Variants in ADD2 observed in about 807,000 individuals in gnomAD.
ADD2 encodes beta-adducin.
In ADD2, 23 loss-of-function variants were observed where a neutral mutation model predicts 83.0. The ratio of observed to expected loss-of-function variants is 0.28; its 90% CI spans 0.20 to 0.39. ADD2 has a LOEUF of 0.39. ADD2 is among the 10% of genes least tolerant of loss of function. The pLI, the probability that ADD2 is intolerant of heterozygous loss-of-function variation, is 1.00. For missense variants in ADD2, 758 were observed against 944.9 expected (o/e 0.80, Z 2.59); for synonymous variants, 375 against 375.4 (o/e 1.00, Z 0.01).
rs1312667118 is a variant in ADD2 at position 70,659,041 on chromosome 2, G to C, written c.*4384C>G. The C allele has an allele frequency of 6.6e-6, 1 of 151,080 alleles. No individual in the cohort carries two copies. The highest frequency in any genetic ancestry group is 1.5e-5 in the Non-Finnish European group (1 of 67,930). The allele number at this position is 151,080 out of a possible 1,614,324, so 9.4% of individuals were successfully genotyped here. ...TCCTGTAATTCCAGCTACTTGGGAG[G>C]CTGAGACAGAAGAATCGCTTGAAAA... On this transcript the variant is annotated 3_prime_UTR_variant, in exon 16 of 16. Transcript: ENST00000264436.
intron 1 of ADD2, among the ~76,000 whole-genome samples, chr2:70,744,385 C>A (rs142564638): frequency 1.3e-5 from 2 of 152,220 alleles, no homozygotes; most frequent in East Asian, 3.9e-4. Context: ...CGGTTCTGAA[C>A]TAAATTGTGT....
intron 1 of ADD2, among the ~76,000 whole-genome samples, chr2:70,716,088 C>T (rs1395057809): frequency 6.6e-6 from 1 of 152,104 alleles, no homozygotes; most frequent in East Asian, 1.9e-4. Context: ...CCTTTATTAC[C>T]AAAATGGCAG....
intron 1 of ADD2, among the ~76,000 whole-genome samples, chr2:70,761,725 G>GTA (rs1675111412): frequency 6.7e-6 from 1 of 149,658 alleles, no homozygotes; most frequent in African/African-American, 2.5e-5. Context: ...AGGCTGGAGT[G>GTA]CAGTGGTGCA....
chr2:70,702,646 T>C (rs757762225), intron 4 of ADD2, among the ~76,000 whole-genome samples: 1 of 149,422 alleles, frequency 6.7e-6, no homozygotes, highest in Non-Finnish European at 1.5e-5. Flanking sequence ...AACTAAAGAA[T>C]TCTACAAGAC....
In ADD2 at chr2:70,659,057, C is replaced by A. The variant is rs1159306428; in HGVS notation, c.*4368G>T. 3 of 142,086 alleles carry A rather than the reference C, an allele frequency of 2.1e-5. No homozygotes were observed. Among genetic ancestry groups the A allele is most frequent in the African/African-American group, 7.8e-5 (3 of 38,418 alleles). The allele number at this position is 142,086 out of a possible 1,614,324, so 8.8% of individuals were successfully genotyped here. A position where few individuals can be genotyped will look rare whatever the true frequency, so the allele number is the denominator to read the frequency against. ...ACTTGGGAGGCTGAGACAGAAGAAT[C>A]GCTTGAAAAACCGGGAGGCAGAGGT... On this transcript the variant is annotated 3_prime_UTR_variant, in exon 16 of 16. Transcript: ENST00000264436.
At chr2:70,668,568 T>C (rs782462766) in intron 15 of ADD2, among the ~76,000 whole-genome samples, 14 of 152,244 alleles carry the variant, frequency 9.2e-5, no homozygotes, top group Non-Finnish European at 1.8e-4. Flanking sequence ...ACAATCATCA[T>C]GCAGCTCAGT....
At chr2:70,727,985 C>A (rs1390285675) in intron 1 of ADD2, among the ~76,000 whole-genome samples, 4 of 152,082 alleles carry the variant, frequency 2.6e-5, no homozygotes, top group Non-Finnish European at 2.9e-5. Flanking sequence ...GAGGATGGGA[C>A]CTTCAAGGAC....
intron 1 of ADD2, among the ~76,000 whole-genome samples, chr2:70,743,571 C>T (rs1674031764): frequency 6.6e-6 from 1 of 152,156 alleles, no homozygotes; most frequent in African/African-American, 2.4e-5. Context: ...TTCTTCTCAA[C>T]AAGTGTGTAA....
intron 1 of ADD2, among the ~76,000 whole-genome samples, chr2:70,750,902 G>C (rs146397453): frequency 6.6e-6 from 1 of 152,258 alleles, no homozygotes; most frequent in East Asian, 1.9e-4. Context: ...TGGCCATGTA[G>C]AGAAACTGCC....
intron 1 of ADD2, among the ~76,000 whole-genome samples, chr2:70,722,274 G>A (rs7573780): frequency 0.044 from 6,725 of 152,172 alleles, 482 homozygotes; most frequent in African/African-American, 0.15. Flanking sequence ...ATCTCTGATT[G>A]ATTGGCACAC....
intron 9 of ADD2, 97 bp from the exon 10 acceptor site, chr2:70,683,864 G>A: frequency 3.6e-6 from 5 of 1,373,490 alleles, no homozygotes; most frequent in Non-Finnish European, 4.8e-6. Flanking sequence ...GGAGTCCAGA[G>A]GAGAACTTAG....
chr2:70,699,138 G>A (rs955341138), intron 4 of ADD2, among the ~76,000 whole-genome samples: 3 of 152,206 alleles, frequency 2.0e-5, no homozygotes, highest in Admixed American at 6.5e-5. Context: ...AATGACAGAC[G>A]TGGAAAGGAT....
intron 4 of ADD2, among the ~76,000 whole-genome samples, chr2:70,700,106 T>C (rs1306666922): frequency 2.0e-5 from 3 of 151,974 alleles, no homozygotes; most frequent in African/African-American, 7.3e-5. Flanking sequence ...TGGGAGAAAA[T>C]TGTTTACAAA....
intron 4 of ADD2, among the ~76,000 whole-genome samples, chr2:70,703,897 G>A (rs1199013895): frequency 2.0e-5 from 3 of 152,122 alleles, no homozygotes; most frequent in Admixed American, 6.5e-5. Flanking sequence ...ATCTTATTGA[G>A]GGGGAGTTAT....
chr2:70,668,415 T>C (rs942326842), intron 15 of ADD2, among the ~76,000 whole-genome samples: 8 of 152,348 alleles, frequency 5.3e-5, no homozygotes, highest in Middle Eastern at 3.4e-3. Flanking sequence ...TCCCCTGACA[T>C]TGGACAATGA....
In ADD2 at chr2:70,706,342, G is replaced by C; in HGVS notation, c.67C>G (p.Arg23Gly). The change falls in exon 3 of 16, where the codon CGC becomes GGC. Residue 23 changes from arginine to glycine, a missense_variant. Around this residue, in one of 5 missense-constraint regions of ADD2, gnomAD observed 175 missense variants for 192.1 expected, o/e 0.91. Transcript: ENST00000264436. The surrounding 1 kb of genome is among the most constrained non-coding windows in gnomAD (Gnocchi z 5.0). ...TACTCGGGGTCGTCCTCTGAGAAGC[G>C]GTCAAAGTAAGGCTGCCCCTGCGGG... Reference protein sequence around the residue: ...PPPQGQPYFDRFSEDDPEYMR... With the variant: ...PPPQGQPYFDGFSEDDPEYMR... The C allele has an allele frequency of 6.2e-7, 1 of 1,613,898 alleles. No individual in the cohort carries two copies. The highest frequency in any genetic ancestry group is 8.5e-7 in the Non-Finnish European group (1 of 1,179,966).
At chr2:70,719,055 T>G (rs1191043734) in intron 1 of ADD2, among the ~76,000 whole-genome samples, 1 of 151,974 alleles carries the variant, frequency 6.6e-6, no homozygotes, top group Non-Finnish European at 1.5e-5. Context: ...AGGAAGAGAG[T>G]AGGCACCTCT....
At chr2:70,678,073 A>G (rs1444474319) in intron 11 of ADD2, among the ~76,000 whole-genome samples, 196 bp from the exon 12 acceptor site, 1 of 152,190 alleles carries the variant, frequency 6.6e-6, no homozygotes, top group Non-Finnish European at 1.5e-5. Flanking sequence ...CCCAGTTACC[A>G]ATGAAGGCCC....
chr2:70,677,938 T>A, intron 11 of ADD2, 61 bp from the exon 12 acceptor site: 1 of 1,606,676 alleles, frequency 6.2e-7, no homozygotes, highest in African/African-American at 1.3e-5. Flanking sequence ...TCCTCCCCAG[T>A]GGTCCACCCA....
Sources: gnomAD v4.1 joint callset for allele counts (sites outside exome capture counted in the v4.1 genomes callset) on GRCh38, gnomAD v4.1.1 for gene constraint, gnomAD v4.1.1 regional missense constraint, Gnocchi (gnomAD v3.1) non-coding constraint, MANE v1.5 for transcripts, NCBI Gene and HGNC (gene_info 2026-07-23, HGNC 2026-07-21) for gene names.